RHCE: variants seen among roughly 807,000 people sequenced by gnomAD.
RHCE encodes the protein blood group Rh(CE) polypeptide.
Under a neutral mutation model 43.8 loss-of-function variants are expected in RHCE, and 22 were observed. That is an observed-to-expected ratio of 0.50 (90% CI 0.36 to 0.72). The LOEUF (loss-of-function observed/expected upper bound fraction) is 0.72, where lower values mean the gene tolerates loss of function less well. RHCE is among the 30% of genes least tolerant of loss of function. The pLI is 0.00. For synonymous variants in RHCE, 156 were observed against 210.7 expected, an observed-to-expected ratio of 0.74 and a Z score of 2.25; for missense variants, 385 against 525.4, an observed-to-expected ratio of 0.73 and a Z score of 2.61.
chr1:25,396,122 TA>T (rs2124449239), intron 3 of RHCE, among the ~76,000 whole-genome samples: 2 of 151,636 alleles, frequency 1.3e-5, no homozygotes, highest in East Asian at 3.9e-4. Flanking sequence ...CAAAAATGCA[TA>T]CCCACAATCT....
intron 7 of RHCE, among the ~76,000 whole-genome samples, chr1:25,378,423 C>T: frequency 6.6e-6 from 1 of 152,178 alleles, no homozygotes; most frequent in Non-Finnish European, 1.5e-5. Context: ...CTACCCAAAT[C>T]CTCCTCAATA....
At chr1:25,412,324 C>T (rs1647106590) in intron 1 of RHCE, among the ~76,000 whole-genome samples, 2 of 152,176 alleles carry the variant, frequency 1.3e-5, no homozygotes, top group African/African-American at 4.8e-5. Flanking sequence ...TTGATACTCT[C>T]TAAGGCTTTT....
At chr1:25,401,058 G>A (rs374745774) in intron 3 of RHCE, among the ~76,000 whole-genome samples, 9 of 152,120 alleles carry the variant, frequency 5.9e-5, no homozygotes, top group South Asian at 4.1e-4. Flanking sequence ...AGAAGCCAGA[G>A]TATCTTAAAA....
upstream of RHCE, among the ~76,000 whole-genome samples, chr1:25,421,735 G>A (rs1241463347): frequency 6.6e-6 from 1 of 152,186 alleles, no homozygotes; most frequent in East Asian, 1.9e-4. Flanking sequence ...CATGGTAAGT[G>A]TCAAGGAAGG....
intron 1 of RHCE, among the ~76,000 whole-genome samples, chr1:25,416,854 T>C (rs1452354627): frequency 6.7e-6 from 1 of 149,320 alleles, no homozygotes; most frequent in Non-Finnish European, 1.5e-5. Flanking sequence ...TAGGCTGGTC[T>C]TGAACTTCTT....
chr1:25,380,718 A>C (rs560925808), intron 7 of RHCE, among the ~76,000 whole-genome samples: 10,519 of 152,016 alleles, frequency 0.069, 1,109 homozygotes, highest in African/African-American at 0.23. Context: ...TGTGGGGAGC[A>C]GAGACCCAAG....
At chr1:25,394,021 G>A (rs28594274) in intron 3 of RHCE, among the ~76,000 whole-genome samples, 7,804 of 151,856 alleles carry the variant, frequency 0.051, 630 homozygotes, top group African/African-American at 0.18. Flanking sequence ...ACGGAGTCTC[G>A]CTCTGTCGCC....
intron 1 of RHCE, among the ~76,000 whole-genome samples, chr1:25,429,221 GTTTTTTTT>G (rs386366538): frequency 2.7e-5 from 3 of 112,384 alleles, no homozygotes; most frequent in African/African-American, 7.0e-5. Context: ...TTCCTGGGAA[GTTTTTTTT>G]TTTTTTTTTT....
intron 7 of RHCE, among the ~76,000 whole-genome samples, chr1:25,375,934 G>A (rs1055138937): frequency 1.3e-5 from 2 of 150,538 alleles, no homozygotes; most frequent in Non-Finnish European, 3.0e-5. Context: ...GGGACTACAG[G>A]CATGCGCCAC....
chr1:25,391,911 A>C, intron 4 of RHCE, 83 bp downstream of exon 4: 1 of 1,597,212 alleles, frequency 6.3e-7, no homozygotes, highest in East Asian at 2.2e-5. Context: ...TTGGTAAAGG[A>C]GGGAGATTTT....
chr1:25,385,193 A>G (rs1204641643), intron 7 of RHCE, among the ~76,000 whole-genome samples: 2 of 152,082 alleles, frequency 1.3e-5, no homozygotes, highest in Non-Finnish European at 2.9e-5. Flanking sequence ...GCCGAGGCCC[A>G]CCCTTCTCTG....
At chr1:25,390,252 T>C (rs1406656904) in intron 5 of RHCE, among the ~76,000 whole-genome samples, 1 of 152,252 alleles carries the variant, frequency 6.6e-6, no homozygotes, top group African/African-American at 2.4e-5. Context: ...GCACTTTACA[T>C]GCACCATCTC....
At chr1:25,408,149 T>C (rs1329812325) in intron 2 of RHCE, among the ~76,000 whole-genome samples, 1 of 121,466 alleles carries the variant, frequency 8.2e-6, no homozygotes, top group African/African-American at 2.5e-5. Context: ...CAGCCAGGTG[T>C]GGTGGCACAT....
rs1165784820 is a variant in RHCE at position 25,412,715 on chromosome 1, TAAA to T, written c.149-3849_149-3847del. ...AGGCGACAGAGGGAGACCCTTTTTT[TAAA>T]AAAAAAAAAAAAAAAAAAAAAAAAG... On this transcript the variant is annotated intron_variant, in intron 1 of 9. Coordinates refer to ENST00000294413, the MANE Select transcript of RHCE (RefSeq NM_020485.8). Among the ~76,000 whole-genome samples the T allele has an allele frequency of 8.4e-3, 983 of 116,554 alleles. 20 individuals are homozygous for T. Among genetic ancestry groups the T allele is most frequent in the African/African-American group, 0.03 (946 of 31,132 alleles). 76.5% of individuals were successfully genotyped at this position (116,554 alleles called of 152,430 possible).
intron 1 of RHCE, among the ~76,000 whole-genome samples, chr1:25,418,839 A>G (rs651950): frequency 6.0e-4 from 92 of 152,286 alleles, no homozygotes; most frequent in African/African-American, 2.1e-3. Flanking sequence ...CTGAGCTTCC[A>G]TATAAAGTGA....
chr1:25,393,402 C>G (rs1253578580), intron 3 of RHCE, among the ~76,000 whole-genome samples: 2 of 152,082 alleles, frequency 1.3e-5, no homozygotes, highest in Admixed American at 1.3e-4. Context: ...GGGTGGATCA[C>G]CTGAGGTCAG....
At chr1:25,418,438 G>A (rs1280923077) in intron 1 of RHCE, among the ~76,000 whole-genome samples, 1 of 151,982 alleles carries the variant, frequency 6.6e-6, no homozygotes, top group African/African-American at 2.4e-5. Context: ...AAGTAGCTGG[G>A]ATTACAGACG....
chr1:25,383,705 A>G (rs1360057484), intron 7 of RHCE, among the ~76,000 whole-genome samples: 3 of 151,962 alleles, frequency 2.0e-5, no homozygotes, highest in African/African-American at 7.2e-5. Flanking sequence ...AGGCAAGAGG[A>G]TAACTGCTTC....
In RHCE at chr1:25,392,095, T is replaced by C. The variant is rs764256566; in HGVS notation, c.533A>G (p.Tyr178Cys). Residue 178 changes from tyrosine to cysteine, a missense_variant, in exon 4 of 10, where the codon TAT becomes TGT. Tyr to Cys is a radical substitution (Grantham distance 194, BLOSUM62 -2). Coordinates refer to ENST00000294413, the MANE Select transcript of RHCE (RefSeq NM_020485.8). ...NLRHFYVFAAYFGLTVAWCLP... is the reference protein window; with the variant it reads ...NLRHFYVFAACFGLTVAWCLP... ...GCACCAGGCCACAGTCAGCCCAAAA[T>C]AGGCTGCGAACACGTAGAAGTGCCT... The C allele has an allele frequency of 3.1e-6, 5 of 1,614,132 alleles. No homozygotes were observed. The highest frequency in any genetic ancestry group is 4.2e-6 in the Non-Finnish European group (5 of 1,180,020).
Sources: gnomAD v4.1 joint callset for allele counts (sites outside exome capture counted in the v4.1 genomes callset) on GRCh38, gnomAD v4.1.1 for gene constraint, MANE v1.5 for transcripts, NCBI Gene and HGNC (gene_info 2026-07-23, HGNC 2026-07-21) for gene names.